Variants in WWOX observed in about 807,000 individuals in gnomAD.
WWOX encodes WW domain containing oxidoreductase.
In WWOX, 69 loss-of-function variants were observed where a neutral mutation model predicts 46.2. The observed-to-expected ratio is 1.49, with a 90% CI of 1.23 to 1.82. The LOEUF (loss-of-function observed/expected upper bound fraction) is 1.82. WWOX is among the 40% of genes most tolerant of loss of function. The pLI is 0.00. For missense variants in WWOX, 919 were observed against 542.6 expected (o/e 1.69, Z -6.89); for synonymous variants, 359 against 202.6 (o/e 1.77, Z -6.56).
intron 8 of WWOX, among the ~76,000 whole-genome samples, chr16:79,009,145 C>T (rs1338396405): frequency 1.3e-5 from 2 of 152,190 alleles, no homozygotes; most frequent in South Asian, 2.1e-4. Flanking sequence ...GATCATCTTC[C>T]CTGCTAAAAA....
intron 8 of WWOX, among the ~76,000 whole-genome samples, chr16:78,862,350 AAT>A (rs913733021): frequency 1.3e-5 from 2 of 151,180 alleles, no homozygotes; most frequent in Non-Finnish European, 2.9e-5. Context: ...TGTACTAAAT[AAT>A]ATATATAAAC....
intron 8 of WWOX, among the ~76,000 whole-genome samples, chr16:78,994,696 G>A (rs1222826389): frequency 6.6e-6 from 1 of 152,028 alleles, no homozygotes; most frequent in Non-Finnish European, 1.5e-5. Context: ...AGTGGGGGGT[G>A]GAATCAAAAG....
At chr16:78,989,879 G>T (rs1241066419) in intron 8 of WWOX, among the ~76,000 whole-genome samples, 2 of 148,412 alleles carry the variant, frequency 1.3e-5, no homozygotes, top group Admixed American at 6.7e-5. Context: ...AGAGACAGAT[G>T]GAGGGAAAGA....
In WWOX at chr16:78,350,057, G is replaced by A; in HGVS notation, c.517-36803G>A. On this transcript the variant is annotated intron_variant, in intron 5 of 8. Transcript: ENST00000566780. The stretch of plus-strand genomic sequence containing the variant: ...TAGCCTGCTTTTTATTGAACTTAAT[G>A]ATAAATGGCAAACATTTGACCATGT... Among the ~76,000 whole-genome samples, 2 of 120,824 alleles carry A rather than the reference G, an allele frequency of 1.7e-5. 1 individual carries two copies. Among genetic ancestry groups the A allele is most frequent in the Non-Finnish European group, 3.9e-5 (2 of 50,642 alleles). The allele number at this position is 120,824 out of a possible 152,430, so 79.3% of individuals were successfully genotyped here. A position where few individuals can be genotyped will look rare whatever the true frequency, so the allele number is the denominator to read the frequency against.
chr16:78,578,273 TATATATATA>T (rs1567657344), intron 8 of WWOX, among the ~76,000 whole-genome samples: 24 of 36,638 alleles, frequency 6.6e-4, no homozygotes, highest in African/African-American at 1.6e-3. Context: ...TATATATATA[TATATATATA>T]TATTTTTTTT....
chr16:78,719,184 C>A (rs1024491720), intron 8 of WWOX, among the ~76,000 whole-genome samples: 5 of 152,182 alleles, frequency 3.3e-5, no homozygotes, highest in African/African-American at 1.2e-4. Flanking sequence ...GTTTTCTTGC[C>A]TGAACCTGAT....
chr16:78,116,680 C>T (rs1339687004), intron 4 of WWOX, among the ~76,000 whole-genome samples: 1 of 152,082 alleles, frequency 6.6e-6, no homozygotes, highest in Non-Finnish European at 1.5e-5. Flanking sequence ...TTTTGTTGAT[C>T]ATATTAAGTA....
intron 8 of WWOX, chr16:78,496,510 C>CCACTATCATAACATCA (rs1286062554): frequency 2.0e-5 from 3 of 152,188 alleles, no homozygotes; most frequent in Admixed American, 2.0e-4. Context: ...ATTAACTTGA[C>CCACTATCATAACATCA]CACTATGATA....
chr16:79,105,512 A>G (rs1441316730), intron 8 of WWOX, among the ~76,000 whole-genome samples: 2 of 152,196 alleles, frequency 1.3e-5, no homozygotes, highest in Non-Finnish European at 2.9e-5. Context: ...ATCAATATCT[A>G]TATTTAAATC....
chr16:78,768,901 C>G (rs950166020), intron 8 of WWOX, among the ~76,000 whole-genome samples: 12 of 152,302 alleles, frequency 7.9e-5, no homozygotes, highest in East Asian at 7.7e-4. Context: ...AAGCAGGAAG[C>G]TGACGCTGCG....
chr16:78,860,625 A>C (rs562064978), intron 8 of WWOX, among the ~76,000 whole-genome samples: 1 of 152,230 alleles, frequency 6.6e-6, no homozygotes, highest in East Asian at 1.9e-4. Flanking sequence ...AAGGCAACAA[A>C]CACAAAATAA....
At chr16:79,142,029 G>C (rs1305731525) in intron 8 of WWOX, among the ~76,000 whole-genome samples, 1 of 152,164 alleles carries the variant, frequency 6.6e-6, no homozygotes, top group East Asian at 1.9e-4. Context: ...GACAGGATGG[G>C]GCCCAGTTAA....
At chr16:78,392,600 A>G (rs1407816794) in intron 6 of WWOX, among the ~76,000 whole-genome samples, 2 of 152,184 alleles carry the variant, frequency 1.3e-5, no homozygotes, top group South Asian at 2.1e-4. Flanking sequence ...CCTCTGCTCT[A>G]GAGATTTCTG....
intron 8 of WWOX, among the ~76,000 whole-genome samples, chr16:78,723,902 A>T (rs2048760295): frequency 6.6e-6 from 1 of 152,180 alleles, no homozygotes; most frequent in Non-Finnish European, 1.5e-5. Flanking sequence ...CCCCAAAGAC[A>T]GTCTAGTTTG....
In WWOX at chr16:78,400,319, C is replaced by G. The variant is rs1265737905; in HGVS notation, c.605+13371C>G. On this transcript the variant is annotated intron_variant, in intron 6 of 8. Transcript: ENST00000566780. ...GGGAAATGGGTCTTAATGGAATGCA[C>G]CAGGCTAATAGAAAAGCAGTGCCTC... is the stretch of plus-strand genomic sequence containing the variant. Among the ~76,000 whole-genome samples the G allele has an allele frequency of 2.0e-5, 3 of 152,214 alleles. No homozygotes were observed. In the East Asian group the frequency reaches 5.8e-4, roughly 29 times the overall value.
At chr16:78,579,373 T>A (rs1004174277) in intron 8 of WWOX, among the ~76,000 whole-genome samples, 1 of 152,072 alleles carries the variant, frequency 6.6e-6, no homozygotes, top group African/African-American at 2.4e-5. Context: ...CGAAGAGATG[T>A]CTGAGCCAAA....
At chr16:78,651,130 C>G (rs1479018702) in intron 8 of WWOX, among the ~76,000 whole-genome samples, 1 of 152,212 alleles carries the variant, frequency 6.6e-6, no homozygotes, top group Non-Finnish European at 1.5e-5. Flanking sequence ...TGGCTTTCCT[C>G]AGTTGGGATC....
At chr16:78,821,917 T>C (rs1000406966) in intron 8 of WWOX, among the ~76,000 whole-genome samples, 3 of 152,182 alleles carry the variant, frequency 2.0e-5, no homozygotes, top group Admixed American at 2.0e-4. Flanking sequence ...TCTCACTGTG[T>C]TGCTCAGGCT....
At chr16:78,473,119 T>A (rs538885158) in intron 8 of WWOX, among the ~76,000 whole-genome samples, 1 of 152,318 alleles carries the variant, frequency 6.6e-6, no homozygotes, top group Admixed American at 6.5e-5. Context: ...ACAGTGTTGC[T>A]TATCTTTTAT....
Sources: allele counts gnomAD v4.1 joint callset (sites outside exome capture counted in the v4.1 genomes callset), GRCh38; gene constraint gnomAD v4.1.1; transcripts MANE v1.5; gene names NCBI Gene and HGNC (gene_info 2026-07-23, HGNC 2026-07-21).